The following FOXQ1 variants were observed in gnomAD, a reference collection of about 807,000 sequenced individuals.
FOXQ1 encodes forkhead box protein Q1.
In FOXQ1, 1 loss-of-function variant was observed where a neutral mutation model predicts 0.6. That is an observed-to-expected ratio of 1.73 (90% confidence interval 0.61 to 8.20). The LOEUF is 8.20. Among genes scored for constraint, FOXQ1 ranks in the 30% most tolerant of loss-of-function variants. The pLI is 0.13. For missense variants in FOXQ1, 734 were observed against 595.6 expected, an observed-to-expected ratio of 1.23 and a Z score of -2.42; for synonymous variants, 377 against 294.4, an observed-to-expected ratio of 1.28 and a Z score of -2.87.
In FOXQ1 at chr6:1,313,737, G is replaced by T. The variant is rs1757592736; in HGVS notation, c.1033G>T (p.Ala345Ser). 4 of 1,168,382 alleles carry T rather than the reference G, an allele frequency of 3.4e-6. No homozygotes were observed. Among genetic ancestry groups the T allele is most frequent in the Non-Finnish European group, 4.2e-6 (4 of 949,514 alleles). 72.4% of individuals were successfully genotyped at this position (1,168,382 alleles called of 1,614,324 possible). A position where few individuals can be genotyped will look rare whatever the true frequency, so the allele number is the denominator to read the frequency against. The change falls in exon 1 of 1, where the codon GCG (alanine) becomes TCG (serine). Residue 345 changes from alanine to serine, a missense_variant. Physicochemically the swap from Ala to Ser is moderately conservative, Grantham distance 99. Coordinates refer to ENST00000296839, the MANE Select transcript of FOXQ1 (RefSeq NM_033260.4). The surrounding 1 kb of genome is among the most constrained non-coding windows in gnomAD (Gnocchi z 5.2). ...GAREAEVPPT[A>S]PPLLLAPLPA... ...GCGCGAGGCCGAGGTGCCACCGACC[G>T]CGCCGCCCCTCCTGCTTGCACCTCT...
chr6:1,313,590 C>G lies in FOXQ1; in HGVS notation c.886C>G (p.Gln296Glu). ...LRDTAPGTTL[Q>E]WGAAPCPPLP... ...GGACACGGCCCCCGGGACGACGCTT[C>G]AGTGGGGCGCCGCGCCCTGCCCGCC... The change falls in exon 1 of 1, where the codon CAG (glutamine) becomes GAG (glutamate). Residue 296 changes from glutamine to glutamate, a missense_variant. Physicochemically the swap from Gln to Glu is conservative, Grantham distance 29. Coordinates refer to ENST00000296839, the MANE Select transcript of FOXQ1 (RefSeq NM_033260.4). The surrounding 1 kb of genome is among the most constrained non-coding windows in gnomAD (Gnocchi z 5.2). 1.5e-5 allele frequency: 18 copies of G among 1,163,218 alleles called. No individual in the cohort carries two copies. The highest frequency in any genetic ancestry group is 1.9e-5 in the Non-Finnish European group (18 of 934,010). The allele number at this position is 1,163,218 out of a possible 1,614,324, so 72.1% of individuals were successfully genotyped here. A position where few individuals can be genotyped will look rare whatever the true frequency, so the allele number is the denominator to read the frequency against.
Position 1,313,823 on chromosome 6 carries a change from C to T in FOXQ1, c.1119C>T (p.Tyr373=). Residue 373 remains tyrosine, a synonymous_variant, in exon 1 of 1, where the codon TAC becomes TAT. Coordinates refer to ENST00000296839, the MANE Select transcript of FOXQ1 (RefSeq NM_033260.4). The surrounding 1 kb of genome is among the most constrained non-coding windows in gnomAD (Gnocchi z 5.2). ...CGGCGGCCGGCGGCGCGCACCTGTA[C>T]TGCCCCCTGCGGCTGCCCGCAGCCC... ...RGPAAGGAHL[Y]CPLRLPAALQ... The T allele has an allele frequency of 7.7e-7, 1 of 1,296,054 alleles. No homozygotes were observed. The highest frequency in any genetic ancestry group is 3.9e-5 in the Admixed American group (1 of 25,534). 80.3% of individuals were successfully genotyped at this position (1,296,054 alleles called of 1,614,324 possible).
Position 1,312,906 on chromosome 6 carries a change from G to A in FOXQ1, c.202G>A (p.Ala68Thr), listed in dbSNP as rs1212668989. 2 of 1,281,242 alleles carry A rather than the reference G, an allele frequency of 1.6e-6. No homozygotes were observed. Among genetic ancestry groups the A allele is most frequent in the Middle Eastern group, 2.9e-4 (1 of 3,426 alleles). 79.4% of individuals were successfully genotyped at this position (1,281,242 alleles called of 1,614,324 possible). The part of the protein sequence containing the change: ...RDTQGDGEQS[A>T]GGGPGAEEAI... ...TACGCAGGGCGACGGCGAACAGAGT[G>A]CGGGAGGCGGGCCGGGCGCGGAGGA... The change falls in exon 1 of 1, where the codon GCG (alanine) becomes ACG (threonine). Residue 68 changes from alanine to threonine, a missense_variant. Transcript: ENST00000296839.
In FOXQ1 at chr6:1,312,568, A is replaced by T; in HGVS notation, c.-137A>T. The T allele has an allele frequency of 8.2e-7, 1 of 1,217,148 alleles. No individual in the cohort carries two copies. The allele number at this position is 1,217,148 out of a possible 1,614,324, so 75.4% of individuals were successfully genotyped here. On this transcript the variant is annotated 5_prime_UTR_variant, in exon 1 of 1. Transcript: ENST00000296839. Reference sequence around the variant, plus strand: ...GACTCCGGAAAAGTGACTATCTCGGAAGACCAGGGTAGAGCTCCCGGGAGA... The same window carrying T: ...GACTCCGGAAAAGTGACTATCTCGGTAGACCAGGGTAGAGCTCCCGGGAGA...
Position 1,313,294 on chromosome 6 carries a change from A to G in FOXQ1, c.590A>G (p.Asn197Ser), listed in dbSNP as rs768611215. Residue 197 changes from asparagine to serine, a missense_variant, in exon 1 of 1, where the codon AAC becomes AGC. Physicochemically the swap from Asn to Ser is conservative, Grantham distance 46 (BLOSUM62 1). Coordinates refer to ENST00000296839, the MANE Select transcript of FOXQ1 (RefSeq NM_033260.4). The surrounding 1 kb of genome is among the most constrained non-coding windows in gnomAD (Gnocchi z 5.2). ...GGCAAGGACAACTACTGGATGCTCA[A>G]CCCCAACAGCGAGTACACCTTCGCC... ...PWGKDNYWML[N>S]PNSEYTFADG... is the part of the protein sequence containing the mutation. 3 of 1,603,056 alleles carry G rather than the reference A, an allele frequency of 1.9e-6. No homozygotes were observed. The highest frequency in any genetic ancestry group is 4.6e-5 in the East Asian group (2 of 43,744).
chr6:1,312,815 C>G lies in FOXQ1; in HGVS notation c.111C>G (p.Asp37Glu), dbSNP rs1427522837. Residue 37 changes from aspartate (D) to glutamate (E), a missense_variant, in exon 1 of 1, where the codon GAC becomes GAG. By Grantham distance (45) the Asp-to-Glu change is conservative (BLOSUM62 2). Coordinates refer to ENST00000296839, the MANE Select transcript of FOXQ1 (RefSeq NM_033260.4). The stretch of plus-strand genomic sequence containing the variant: ...CGTCCCCGCTGTCGGCGGCGGGAGA[C>G]GACTCCCTGGGCTCAGATGGGGACT... The part of the protein sequence containing the change: ...DAPSPLSAAG[D>E]DSLGSDGDCA... 6.1e-6 allele frequency: 8 copies of G among 1,305,736 alleles called. No homozygotes were observed. The highest frequency in any genetic ancestry group is 2.4e-4 in the Middle Eastern group (1 of 4,088). 80.9% of individuals were successfully genotyped at this position (1,305,736 alleles called of 1,614,324 possible). A position where few individuals can be genotyped will look rare whatever the true frequency, so the allele number is the denominator to read the frequency against.
chr6:1,313,850 GC>G lies in FOXQ1; in HGVS notation c.1147del (p.Gln383ArgfsTer20). On this transcript the variant is annotated frameshift_variant, in exon 1 of 1. Transcript: ENST00000296839. LOFTEE classifies it high-confidence loss of function. This position sits in a 1 kb window ranked among gnomAD's most constrained non-coding sequence, Gnocchi z 5.2. ...GCCCCCTGCGGCTGCCCGCAGCCCT[GC>G]AGGCGGCCTCAGTCCGCCGCCCTGG... Reference protein sequence around the residue: ...YCPLRLPAALQAASVRRPGPH... With the variant: ...YCPLRLPAALXAASVRRPGPH... The G allele has an allele frequency of 7.6e-7, 1 of 1,308,386 alleles. No individual in the cohort carries two copies. 81.0% of individuals were successfully genotyped at this position (1,308,386 alleles called of 1,614,324 possible).
At position 1,313,651 on chromosome 6, in the gene FOXQ1, C is replaced by G; in HGVS notation, c.947C>G (p.Pro316Arg). Residue 316 changes from proline to arginine, a missense_variant, in exon 1 of 1, where the codon CCC becomes CGC. Pro to Arg is a moderately radical substitution (Grantham distance 103). Transcript: ENST00000296839. The surrounding 1 kb of genome is among the most constrained non-coding windows in gnomAD (Gnocchi z 5.2). ...PAFPALLPAA[P>R]CRALLPLCAY... ...TTCCCCGCGCTCCTCCCCGCGGCGC[C>G]CTGCAGGGCCCTGCTGCCGCTCTGC... The G allele has an allele frequency of 9.5e-7, 1 of 1,047,854 alleles. No homozygotes were observed. The highest frequency in any genetic ancestry group is 7.9e-5 in the East Asian group (1 of 12,690). 64.9% of individuals were successfully genotyped at this position (1,047,854 alleles called of 1,614,324 possible). A position where few individuals can be genotyped will look rare whatever the true frequency, so the allele number is the denominator to read the frequency against.
Position 1,312,613 on chromosome 6 carries a change from C to T in FOXQ1, c.-92C>T. ...GGGAGAAAAAGGCGAAGATCCCCGG[C>T]CCCGGATCGCCATCCCCTTCCCTGG... is the stretch of plus-strand genomic sequence containing the variant. On this transcript the variant is annotated 5_prime_UTR_variant, in exon 1 of 1. Coordinates refer to ENST00000296839, the MANE Select transcript of FOXQ1 (RefSeq NM_033260.4). 1 of 1,262,106 alleles carries T rather than the reference C, an allele frequency of 7.9e-7. No homozygotes were observed. The allele number at this position is 1,262,106 out of a possible 1,614,324, so 78.2% of individuals were successfully genotyped here. A position where few individuals can be genotyped will look rare whatever the true frequency, so the allele number is the denominator to read the frequency against.
At position 1,313,536 on chromosome 6, in the gene FOXQ1, C is replaced by A; in HGVS notation, c.832C>A (p.Arg278Ser). ...SSSFAIDSIL[R>S]KPFRSRRLRD... ...CTCCTTCGCCATCGACAGCATCCTG[C>A]GCAAGCCCTTCCGCAGCCGCCGCCT... The change falls in exon 1 of 1, where the codon CGC becomes AGC. Residue 278 changes from arginine (R) to serine (S), a missense_variant. Physicochemically the swap from Arg to Ser is moderately radical, Grantham distance 110. Coordinates refer to ENST00000296839, the MANE Select transcript of FOXQ1 (RefSeq NM_033260.4). This position sits in a 1 kb window ranked among gnomAD's most constrained non-coding sequence, Gnocchi z 5.2. The A allele has an allele frequency of 1.6e-6, 2 of 1,267,294 alleles. No homozygotes were observed. Among genetic ancestry groups the A allele is most frequent in the Non-Finnish European group, 2.0e-6 (2 of 985,930 alleles). 78.5% of individuals were successfully genotyped at this position (1,267,294 alleles called of 1,614,324 possible). A position where few individuals can be genotyped will look rare whatever the true frequency, so the allele number is the denominator to read the frequency against.
rs1298181283 is a variant in FOXQ1, at chr6:1,313,773, GC to G, written c.1074del (p.Ala359ProfsTer44). 5 of 1,239,790 alleles carry G rather than the reference GC, an allele frequency of 4.0e-6. No individual in the cohort carries two copies. Among genetic ancestry groups the G allele is most frequent in the Admixed American group, 8.2e-5 (2 of 24,444 alleles). 76.8% of individuals were successfully genotyped at this position (1,239,790 alleles called of 1,614,324 possible). A position where few individuals can be genotyped will look rare whatever the true frequency, so the allele number is the denominator to read the frequency against. ...PLLLAPLPAA[A>X]PAKPLRGPAA... ...CCTGCTTGCACCTCTCCCGGCGGCGGCCCCCGCCAAGCCACTCCGAGGCCCG... is the reference window on the plus strand; with the variant it reads ...CCTGCTTGCACCTCTCCCGGCGGCGGCCCCGCCAAGCCACTCCGAGGCCCG... On this transcript the variant is annotated frameshift_variant, in exon 1 of 1. Transcript: ENST00000296839. LOFTEE classifies it low-confidence loss of function (END_TRUNC). The surrounding 1 kb of genome is among the most constrained non-coding windows in gnomAD (Gnocchi z 5.2).
chr6:1,314,276 A>C lies in FOXQ1; in HGVS notation c.*360A>C. 5.9e-6 allele frequency: 1 copy of C among 170,720 alleles called. No individual in the cohort carries two copies. Among genetic ancestry groups the C allele is most frequent in the East Asian group, 1.8e-4 (1 of 5,452 alleles). 10.6% of individuals were successfully genotyped at this position (170,720 alleles called of 1,614,324 possible). A position where few individuals can be genotyped will look rare whatever the true frequency, so the allele number is the denominator to read the frequency against. On this transcript the variant is annotated 3_prime_UTR_variant, in exon 1 of 1. Transcript: ENST00000296839. ...GATTTATGTCCCTTCCCTCCCCCCTAAGTACATCAGGGAACCTTTCCACAC... is the reference window on the plus strand; with the variant it reads ...GATTTATGTCCCTTCCCTCCCCCCTCAGTACATCAGGGAACCTTTCCACAC...
Position 1,313,731 on chromosome 6 carries a change from C to G in FOXQ1, c.1027C>G (p.Pro343Ala), listed in dbSNP as rs917024806. 1.7e-6 allele frequency: 2 copies of G among 1,154,772 alleles called. No individual in the cohort carries two copies. The highest frequency in any genetic ancestry group is 3.3e-5 in the African/African-American group (2 of 61,172). The allele number at this position is 1,154,772 out of a possible 1,614,324, so 71.5% of individuals were successfully genotyped here. The change falls in exon 1 of 1, where the codon CCG (proline) becomes GCG (alanine). Residue 343 changes from proline (P) to alanine (A), a missense_variant. Transcript: ENST00000296839. This position sits in a 1 kb window ranked among gnomAD's most constrained non-coding sequence, Gnocchi z 5.2. ...RLGAREAEVP[P>A]TAPPLLLAPL... ...GGGCGCGCGCGAGGCCGAGGTGCCACCGACCGCGCCGCCCCTCCTGCTTGC... is the reference window on the plus strand; with the variant it reads ...GGGCGCGCGCGAGGCCGAGGTGCCAGCGACCGCGCCGCCCCTCCTGCTTGC...
chr6:1,312,983 C>A lies in FOXQ1; in HGVS notation c.279C>A (p.Ala93=). ...CGGTGGTGGCGGAGGGCGCGGAGGCCGGGGCGGCGGGGCCAGGCGCGGGCG... is the reference window on the plus strand; with the variant it reads ...CGGTGGTGGCGGAGGGCGCGGAGGCAGGGGCGGCGGGGCCAGGCGCGGGCG... The part of the protein sequence containing the change: ...AAAVVAEGAE[A]GAAGPGAGGA... The change falls in exon 1 of 1, where the codon GCC becomes GCA. Residue 93 remains alanine, a synonymous_variant. Coordinates refer to ENST00000296839, the MANE Select transcript of FOXQ1 (RefSeq NM_033260.4). 1 of 1,295,728 alleles carries A rather than the reference C, an allele frequency of 7.7e-7. No individual in the cohort carries two copies. Among genetic ancestry groups the A allele is most frequent in the Non-Finnish European group, 9.8e-7 (1 of 1,025,590 alleles). The allele number at this position is 1,295,728 out of a possible 1,614,324, so 80.3% of individuals were successfully genotyped here.
At position 1,314,067 on chromosome 6, in the gene FOXQ1, G is replaced by A; in HGVS notation, c.*151G>A. On this transcript the variant is annotated 3_prime_UTR_variant, in exon 1 of 1. Coordinates refer to ENST00000296839, the MANE Select transcript of FOXQ1 (RefSeq NM_033260.4). ...CCTTAAAGCTAAAGCATTTTGACAG[G>A]AGTATTTAAACTTAGTCCAGGATAT... 9.4e-7 allele frequency: 1 copy of A among 1,061,038 alleles called. No homozygotes were observed. The highest frequency in any genetic ancestry group is 4.4e-5 in the Admixed American group (1 of 22,480). The allele number at this position is 1,061,038 out of a possible 1,614,324, so 65.7% of individuals were successfully genotyped here.
chr6:1,314,352 G>A lies in FOXQ1; in HGVS notation c.*436G>A, dbSNP rs1452400530. On this transcript the variant is annotated 3_prime_UTR_variant, in exon 1 of 1. Transcript: ENST00000296839. ...GGTTTCTGGGCCCCCATCCGTGTAC[G>A]TATGTGGCATTTCCAGGTATGACTG... The A allele has an allele frequency of 6.0e-6, 1 of 167,068 alleles. No homozygotes were observed. The highest frequency in any genetic ancestry group is 1.5e-5 in the Non-Finnish European group (1 of 68,312). 10.3% of individuals were successfully genotyped at this position (167,068 alleles called of 1,614,324 possible). A position where few individuals can be genotyped will look rare whatever the true frequency, so the allele number is the denominator to read the frequency against.
rs749908137 is a variant in FOXQ1, at chr6:1,313,323, G to A, written c.619G>A (p.Gly207Arg). 5 of 1,575,234 alleles carry A rather than the reference G, an allele frequency of 3.2e-6. No individual in the cohort carries two copies. Among genetic ancestry groups the A allele is most frequent in the South Asian group, 2.3e-5 (2 of 87,906 alleles). ...CAACAGCGAGTACACCTTCGCCGACGGGGTCTTCCGCCGCCGCCGCAAGCG... is the reference window on the plus strand; with the variant it reads ...CAACAGCGAGTACACCTTCGCCGACAGGGTCTTCCGCCGCCGCCGCAAGCG... ...NPNSEYTFADGVFRRRRKRLS... is the reference protein window; with the variant it reads ...NPNSEYTFADRVFRRRRKRLS... Residue 207 changes from glycine (G) to arginine (R), a missense_variant, in exon 1 of 1, where the codon GGG becomes AGG. Coordinates refer to ENST00000296839, the MANE Select transcript of FOXQ1 (RefSeq NM_033260.4). This position sits in a 1 kb window ranked among gnomAD's most constrained non-coding sequence, Gnocchi z 5.2.
Position 1,313,496 on chromosome 6 carries a change from G to A in FOXQ1, c.792G>A (p.Ala264=), listed in dbSNP as rs770416942. The change falls in exon 1 of 1, where the codon GCG becomes GCA. Residue 264 remains alanine (A), a synonymous_variant. Transcript: ENST00000296839. This position sits in a 1 kb window ranked among gnomAD's most constrained non-coding sequence, Gnocchi z 5.2. ...PARQEERASP[A]GKFSSSFAID... ...GCCAGGAGGAGCGCGCCAGCCCCGCGGGCAAGTTCTCCAGCTCCTTCGCCA... is the reference window on the plus strand; with the variant it reads ...GCCAGGAGGAGCGCGCCAGCCCCGCAGGCAAGTTCTCCAGCTCCTTCGCCA... 2.0e-5 allele frequency: 24 copies of A among 1,198,114 alleles called. No homozygotes were observed. Among genetic ancestry groups the A allele is most frequent in the Admixed American group, 2.8e-5 (1 of 35,758 alleles). 74.2% of individuals were successfully genotyped at this position (1,198,114 alleles called of 1,614,324 possible).
In FOXQ1 at chr6:1,312,346, T is replaced by C. The variant is rs1488191201; in HGVS notation, c.-359T>C. ...CTCTTTAACGAGCAGCAGATGCGCA[T>C]GCTGCTTCTCTCCGGCAGGAAAGCC... On this transcript the variant is annotated 5_prime_UTR_variant, in exon 1 of 1. The change abolishes an upstream ATG in the 5' untranslated region. Coordinates refer to ENST00000296839, the MANE Select transcript of FOXQ1 (RefSeq NM_033260.4). 2 of 204,358 alleles carry C rather than the reference T, an allele frequency of 9.8e-6. No individual in the cohort carries two copies. The highest frequency in any genetic ancestry group is 2.0e-5 in the Non-Finnish European group (2 of 102,132). 12.7% of individuals were successfully genotyped at this position (204,358 alleles called of 1,614,324 possible).
Sources: gnomAD v4.1 joint callset for allele counts on GRCh38, gnomAD v4.1.1 for gene constraint, Gnocchi (gnomAD v3.1) non-coding constraint, MANE v1.5 for transcripts, NCBI Gene and HGNC (gene_info 2026-07-23, HGNC 2026-07-21) for gene names.